The following PLPP4 variants were observed in gnomAD, a reference collection of about 807,000 sequenced individuals.
The protein encoded by PLPP4 is phospholipid phosphatase 4, also known as diacylglycerol pyrophosphate like 2.
A neutral mutation model predicts 32.2 loss-of-function variants in PLPP4; 20 were observed. The observed-to-expected ratio is 0.62, with a 90% CI of 0.44 to 0.90. The LOEUF (loss-of-function observed/expected upper bound fraction) is 0.90. Ranked by LOEUF, PLPP4 falls within the 40% of genes least tolerant of loss-of-function variation. The probability of loss-of-function intolerance (pLI) is 0.00; values close to 1 mark genes in which losing one functional copy is unlikely to be tolerated. For synonymous variants in PLPP4, 127 were observed against 133.0 expected, an observed-to-expected ratio of 0.95 and a Z score of 0.31; for missense variants, 257 against 353.1, an observed-to-expected ratio of 0.73 and a Z score of 2.18.
chr10:120,461,248 G>T (rs1005508352), intron 1 of PLPP4, among the ~76,000 whole-genome samples: 6 of 152,232 alleles, frequency 3.9e-5, no homozygotes, highest in Non-Finnish European at 8.8e-5. Context: ...AACATCAATT[G>T]TAGTAGTAAG....
Position 120,468,827 on chromosome 10 carries a change from T to C in PLPP4, c.56+11466T>C, listed in dbSNP as rs1306465343. On this transcript the variant is annotated intron_variant, in intron 1 of 6. Transcript: ENST00000398250. ...ATCCAGAATGTATAAGTTTGTGTTT[T>C]CAAATGTGATCGGCTGCTCAGGTGG... Among the ~76,000 whole-genome samples, 2 of 65,382 alleles carry C rather than the reference T, an allele frequency of 3.1e-5. 1 individual carries two copies. Among genetic ancestry groups the C allele is most frequent in the Non-Finnish European group, 8.9e-5 (2 of 22,408 alleles). 42.9% of individuals were successfully genotyped at this position (65,382 alleles called of 152,430 possible). A position where few individuals can be genotyped will look rare whatever the true frequency, so the allele number is the denominator to read the frequency against.
chr10:120,529,372 A>G (rs1846591459), intron 5 of PLPP4, among the ~76,000 whole-genome samples: 1 of 152,204 alleles, frequency 6.6e-6, no homozygotes, highest in African/African-American at 2.4e-5. Context: ...AGGCAAATAT[A>G]TGGAAGAAAT....
At chr10:120,550,428 T>C (rs1026767113) in intron 5 of PLPP4, among the ~76,000 whole-genome samples, 1 of 151,936 alleles carries the variant, frequency 6.6e-6, no homozygotes, top group African/African-American at 2.4e-5. Flanking sequence ...CTTGGAAAGC[T>C]GATTATAAAA....
chr10:120,478,558 A>G (rs1298496692), intron 1 of PLPP4, among the ~76,000 whole-genome samples: 2 of 152,226 alleles, frequency 1.3e-5, no homozygotes, highest in Non-Finnish European at 2.9e-5. Flanking sequence ...TTATGATCCT[A>G]CTACCCAGAG....
intron 1 of PLPP4, among the ~76,000 whole-genome samples, chr10:120,478,400 A>G (rs552001339): frequency 8.5e-5 from 13 of 152,304 alleles, no homozygotes; most frequent in Admixed American, 2.6e-4. Flanking sequence ...CACCTCTTCC[A>G]AAACCACAGC....
At chr10:120,471,558 T>C (rs1292714905) in intron 1 of PLPP4, among the ~76,000 whole-genome samples, 2 of 152,086 alleles carry the variant, frequency 1.3e-5, no homozygotes, top group Non-Finnish European at 2.9e-5. Context: ...TGTTACTACA[T>C]TATATTTATT....
chr10:120,548,442 C>T (rs58594731), intron 5 of PLPP4, among the ~76,000 whole-genome samples: 7,979 of 152,166 alleles, frequency 0.052, 297 homozygotes, highest in Middle Eastern at 0.14. Flanking sequence ...GTATTCCATG[C>T]TGTGTATGTA....
Position 120,590,079 on chromosome 10 carries a change from CAAAT to C in PLPP4, c.*581_*584del, listed in dbSNP as rs980624797. On this transcript the variant is annotated 3_prime_UTR_variant, in exon 7 of 7. Coordinates refer to ENST00000398250, the MANE Select transcript of PLPP4 (RefSeq NM_001030059.3). ...GCTTTTGAATCATTGAATCTGGAAG[CAAAT>C]AAAATTAATAACTTCATGCACAGAC... 6.6e-6 allele frequency among the ~76,000 whole-genome samples: 1 copy of C among 152,172 alleles called. No individual in the cohort carries two copies. The highest frequency in any genetic ancestry group is 1.5e-5 in the Non-Finnish European group (1 of 68,038).
At chr10:120,554,369 A>G (rs1848051570) in intron 5 of PLPP4, among the ~76,000 whole-genome samples, 1 of 152,160 alleles carries the variant, frequency 6.6e-6, no homozygotes. Flanking sequence ...TATTATCCAT[A>G]TAACTATCAG....
At chr10:120,530,541 C>A (rs1046310546) in intron 5 of PLPP4, among the ~76,000 whole-genome samples, 1 of 152,152 alleles carries the variant, frequency 6.6e-6, no homozygotes, top group Non-Finnish European at 1.5e-5. Context: ...CACACACGTT[C>A]TTTATCCGTC....
intron 4 of PLPP4, 66 bp downstream of exon 4, chr10:120,518,962 C>A: frequency 1.5e-6 from 2 of 1,314,448 alleles, no homozygotes; most frequent in East Asian, 2.3e-5. Flanking sequence ...GAAGCTGGGC[C>A]AGAGGACACT....
rs1367516739 is a variant in PLPP4 at position 120,513,821 on chromosome 10, C to T, written c.166-90C>T. 10 of 972,354 alleles carry T rather than the reference C, an allele frequency of 1.0e-5. No individual in the cohort carries two copies. The African/African-American group carries it at 1.6e-4, about 16-fold the overall frequency. The allele number at this position is 972,354 out of a possible 1,614,324, so 60.2% of individuals were successfully genotyped here. A position where few individuals can be genotyped will look rare whatever the true frequency, so the allele number is the denominator to read the frequency against. ...CAGTAAGATTATTCAACCAGGGAGT[C>T]TAAATGAAACTAACGGGAACTAATT... On this transcript the variant is annotated intron_variant, in intron 2 of 6. Coordinates refer to ENST00000398250, the MANE Select transcript of PLPP4 (RefSeq NM_001030059.3).
intron 5 of PLPP4, among the ~76,000 whole-genome samples, chr10:120,564,562 G>A (rs1848599854): frequency 6.6e-6 from 1 of 152,032 alleles, no homozygotes; most frequent in Non-Finnish European, 1.5e-5. Flanking sequence ...TAGCAAAGAT[G>A]TGAATTAAAA....
intron 2 of PLPP4, among the ~76,000 whole-genome samples, chr10:120,507,551 G>C (rs1250705022): frequency 1.3e-5 from 2 of 152,204 alleles, no homozygotes; most frequent in Non-Finnish European, 2.9e-5. Context: ...TATACAGCTT[G>C]TCCGAGATTA....
chr10:120,518,685 C>T (rs1235347780), intron 3 of PLPP4, 148 bp from the exon 4 acceptor site: 6 of 579,130 alleles, frequency 1.0e-5, no homozygotes, highest in Admixed American at 6.6e-5. Context: ...GCAACCCAAA[C>T]GTATCTCTGT....
intron 5 of PLPP4, among the ~76,000 whole-genome samples, chr10:120,569,596 C>A (rs190801329): frequency 6.0e-4 from 92 of 152,292 alleles, no homozygotes; most frequent in Admixed American, 7.8e-4. Flanking sequence ...GACTGTGCAA[C>A]CCTTTCCATC....
At chr10:120,535,170 T>G (rs186419327) in intron 5 of PLPP4, among the ~76,000 whole-genome samples, 1 of 152,212 alleles carries the variant, frequency 6.6e-6, no homozygotes, top group Non-Finnish European at 1.5e-5. Context: ...ATATGAGACC[T>G]GTGGTGGTGG....
At chr10:120,503,041 C>T (rs535455774) in intron 1 of PLPP4, among the ~76,000 whole-genome samples, 2 of 152,322 alleles carry the variant, frequency 1.3e-5, no homozygotes, top group South Asian at 2.1e-4. Context: ...GGACAGCTGC[C>T]GCAACCCCAG....
At chr10:120,543,643 C>T (rs1016870697) in intron 5 of PLPP4, among the ~76,000 whole-genome samples, 1 of 152,120 alleles carries the variant, frequency 6.6e-6, no homozygotes, top group Non-Finnish European at 1.5e-5. Context: ...ACCATCTTAG[C>T]CATTTTTAAG....
Sources: gnomAD v4.1 joint callset for allele counts (sites outside exome capture counted in the v4.1 genomes callset) on GRCh38, gnomAD v4.1.1 for gene constraint, MANE v1.5 for transcripts, NCBI Gene and HGNC (gene_info 2026-07-23, HGNC 2026-07-21) for gene names.